Variants in PATZ1 observed in about 807,000 individuals in gnomAD.
The protein encoded by PATZ1 is POZ/BTB and AT hook containing zinc finger 1, also known as POZ-, AT hook-, and zinc finger-containing protein 1.
Under a neutral mutation model 46.2 loss-of-function variants are expected in PATZ1, and 9 were observed. The observed-to-expected ratio is 0.19, with a 90% CI of 0.12 to 0.34. The LOEUF (loss-of-function observed/expected upper bound fraction) is 0.34, where lower values mean the gene tolerates loss of function less well. Ranked by LOEUF, PATZ1 falls within the 10% of genes least tolerant of loss-of-function variation. The pLI, the probability that PATZ1 is intolerant of heterozygous loss-of-function variation, is 1.00. For synonymous variants in PATZ1, 426 were observed against 378.6 expected, an observed-to-expected ratio of 1.13 and a Z score of -1.45; for missense variants, 632 against 923.0, an observed-to-expected ratio of 0.68 and a Z score of 4.08.
chr22:31,326,030 A>G lies in PATZ1; in HGVS notation c.*861T>C, dbSNP rs1201051085. The G allele has an allele frequency of 4.6e-6, 1 of 215,494 alleles. No individual in the cohort carries two copies. The highest frequency in any genetic ancestry group is 9.4e-6 in the Non-Finnish European group (1 of 106,592). 13.3% of individuals were successfully genotyped at this position (215,494 alleles called of 1,614,324 possible). A position where few individuals can be genotyped will look rare whatever the true frequency, so the allele number is the denominator to read the frequency against. On this transcript the variant is annotated 3_prime_UTR_variant, in exon 5 of 5. Coordinates refer to ENST00000266269, the MANE Select transcript of PATZ1 (RefSeq NM_014323.3). ...CTATTTCTTCCATAGACTTCAAACA[A>G]TCAACTAGCCAAGTTAATTATGGTA...
intron 1 of PATZ1, among the ~76,000 whole-genome samples, chr22:31,344,020 G>T (rs781108023): frequency 6.6e-6 from 1 of 152,160 alleles, no homozygotes; most frequent in African/African-American, 2.4e-5. Context: ...CCCCACGCCT[G>T]GTGCCGGAAA....
intron 1 of PATZ1, among the ~76,000 whole-genome samples, chr22:31,343,886 G>A (rs1381402472): frequency 1.3e-5 from 2 of 152,202 alleles, no homozygotes; most frequent in Non-Finnish European, 2.9e-5. Flanking sequence ...AGTGTTCTGT[G>A]TTGGGGAATC....
chr22:31,331,198 G>A (rs17820958), intron 3 of PATZ1, among the ~76,000 whole-genome samples: 6,773 of 152,278 alleles, frequency 0.044, 551 homozygotes, highest in East Asian at 0.37. Flanking sequence ...TAATGGGAAA[G>A]AGGCTGTTAG....
intron 2 of PATZ1, 137 bp downstream of exon 2, chr22:31,342,760 G>T: frequency 1.2e-6 from 1 of 808,940 alleles, no homozygotes; most frequent in Non-Finnish European, 2.0e-6. Flanking sequence ...GAGGGAGGGT[G>T]GAGGAACAGA....
rs1471880491 is a variant in PATZ1 at position 31,345,879 on chromosome 22, C to G, written c.-277G>C. The G allele has an allele frequency of 5.2e-6, 2 of 385,526 alleles. No homozygotes were observed. The highest frequency in any genetic ancestry group is 9.2e-6 in the Non-Finnish European group (2 of 216,692). 23.9% of individuals were successfully genotyped at this position (385,526 alleles called of 1,614,324 possible). A position where few individuals can be genotyped will look rare whatever the true frequency, so the allele number is the denominator to read the frequency against. ...CGCCCGCCCGCCTCCCCTTCCCGGT[C>G]TACCTTCCGGGGGGGTGCGCGAGCG... On this transcript the variant is annotated 5_prime_UTR_variant, in exon 1 of 5. Transcript: ENST00000266269. The surrounding 1 kb of genome is among the most constrained non-coding windows in gnomAD (Gnocchi z 7.4).
At chr22:31,338,477 G>A (rs1288470903) in intron 2 of PATZ1, among the ~76,000 whole-genome samples, 2 of 152,210 alleles carry the variant, frequency 1.3e-5, no homozygotes, top group Non-Finnish European at 2.9e-5. Context: ...TTGCTCTCAT[G>A]GCCACATGTG....
In PATZ1 at chr22:31,345,806, CA is replaced by C. The variant is rs2049648334; in HGVS notation, c.-205del. The C allele has an allele frequency of 2.1e-6, 1 of 485,302 alleles. No individual in the cohort carries two copies. 30.1% of individuals were successfully genotyped at this position (485,302 alleles called of 1,614,324 possible). A position where few individuals can be genotyped will look rare whatever the true frequency, so the allele number is the denominator to read the frequency against. On this transcript the variant is annotated 5_prime_UTR_variant, in exon 1 of 5. An upstream start codon of the reference 5' UTR is lost. Coordinates refer to ENST00000266269, the MANE Select transcript of PATZ1 (RefSeq NM_014323.3). This position sits in a 1 kb window ranked among gnomAD's most constrained non-coding sequence, Gnocchi z 7.4. Reference sequence around the variant, plus strand: ...AGACTGCGGGGTGCACCACCCCCCACATAGCCAACCCCCGCCCTCGCTGGAC... The same window carrying C: ...AGACTGCGGGGTGCACCACCCCCCACTAGCCAACCCCCGCCCTCGCTGGAC...
In PATZ1 at chr22:31,328,715, C is replaced by G. The variant is rs897114557; in HGVS notation, c.1645+72G>C. The G allele has an allele frequency of 9.6e-6, 14 of 1,462,592 alleles. No homozygotes were observed. The East Asian group carries it at 2.9e-4, about 31-fold the overall frequency. The allele number at this position is 1,462,592 out of a possible 1,614,324, so 90.6% of individuals were successfully genotyped here. A position where few individuals can be genotyped will look rare whatever the true frequency, so the allele number is the denominator to read the frequency against. On this transcript the variant is annotated intron_variant, in intron 4 of 4. Coordinates refer to ENST00000266269, the MANE Select transcript of PATZ1 (RefSeq NM_014323.3). This position sits in a 1 kb window ranked among gnomAD's most constrained non-coding sequence, Gnocchi z 4.8. Reference sequence around the variant, plus strand: ...GAAAGCCGGCAGCCTTCCCGCCTCCCCACGCCCAGCCCAGCGCCCCCACAA... The same window carrying G: ...GAAAGCCGGCAGCCTTCCCGCCTCCGCACGCCCAGCCCAGCGCCCCCACAA...
chr22:31,339,169 C>G (rs1278919216), intron 2 of PATZ1, among the ~76,000 whole-genome samples: 1 of 152,180 alleles, frequency 6.6e-6, no homozygotes, highest in Non-Finnish European at 1.5e-5. Flanking sequence ...AAATTAAAAT[C>G]CCAGACTGGG....
chr22:31,342,851 C>T (rs372655698), intron 2 of PATZ1, 46 bp downstream of exon 2: 3 of 1,606,980 alleles, frequency 1.9e-6, no homozygotes, highest in Non-Finnish European at 1.7e-6. Flanking sequence ...ACCGTGAGAA[C>T]AGCATCATCT....
chr22:31,328,782 C>A lies in PATZ1; in HGVS notation c.1645+5G>T. On this transcript the variant is annotated splice_donor_5th_base_variant and intron_variant, in intron 4 of 4. Coordinates refer to ENST00000266269, the MANE Select transcript of PATZ1 (RefSeq NM_014323.3). The surrounding 1 kb of genome is among the most constrained non-coding windows in gnomAD (Gnocchi z 4.8). ...AAGCAAAGTGCAGAGCAAGGGGTCG[C>A]TTGCCTTTGTTGCCATAGGTCCTGG... The A allele has an allele frequency of 6.2e-7, 1 of 1,612,582 alleles. No individual in the cohort carries two copies. The highest frequency in any genetic ancestry group is 1.1e-5 in the South Asian group (1 of 91,008).
At chr22:31,329,445 C>T (rs571445156) in intron 3 of PATZ1, among the ~76,000 whole-genome samples, 2 of 152,332 alleles carry the variant, frequency 1.3e-5, no homozygotes, top group Non-Finnish European at 2.9e-5. Context: ...CCAAGGATCC[C>T]GTCTTCTACC....
intron 2 of PATZ1, chr22:31,341,202 G>C (rs1344898511): frequency 8.0e-7 from 1 of 1,256,420 alleles, no homozygotes; most frequent in Non-Finnish European, 1.0e-6. Context: ...AAAGAAACTT[G>C]GATGCTATAG....
At chr22:31,331,363 A>T (rs1453391795) in intron 3 of PATZ1, among the ~76,000 whole-genome samples, 4 of 143,068 alleles carry the variant, frequency 2.8e-5, no homozygotes, top group Non-Finnish European at 3.0e-5. Context: ...TTTTTTTGAG[A>T]CAGAGTCTCA....
rs771937261 is a variant in PATZ1, at chr22:31,335,797, C to G, written c.1402G>C (p.Val468Leu). ...TACTTCCCACACACCTGGCAGGGCA[C>G]CTTGTCTTCATGACAGGCCAGGTGG... ...RSHLACHEDK[V>L]PCQVCGKYLR... The change falls in exon 3 of 5, where the codon GTG becomes CTG. Residue 468 changes from valine (V) to leucine (L), a missense_variant. By Grantham distance (32) the Val-to-Leu change is conservative. This residue lies in a region of PATZ1 where 55 missense variants were observed against 169.0 expected (regional missense o/e 0.33). Transcript: ENST00000266269. 2 of 1,614,110 alleles carry G rather than the reference C, an allele frequency of 1.2e-6. No individual in the cohort carries two copies. Among genetic ancestry groups the G allele is most frequent in the Non-Finnish European group, 1.7e-6 (2 of 1,180,012 alleles).
Position 31,344,315 on chromosome 22 carries a change from A to C in PATZ1, c.1271+17T>G, listed in dbSNP as rs111323376. On this transcript the variant is annotated intron_variant, in intron 1 of 4. Transcript: ENST00000266269. Reference sequence around the variant, plus strand: ...AGATAACGTGTGGCAGGGGAGGAAGAGGGGGCCTTTCCTCACCTGGAGAAG... The same window carrying C: ...AGATAACGTGTGGCAGGGGAGGAAGCGGGGGCCTTTCCTCACCTGGAGAAG... The C allele has an allele frequency of 1.9e-6, 3 of 1,573,708 alleles. No homozygotes were observed. Among genetic ancestry groups the C allele is most frequent in the Non-Finnish European group, 8.6e-7 (1 of 1,158,234 alleles).
At chr22:31,330,542 G>A (rs2049428314) in intron 3 of PATZ1, among the ~76,000 whole-genome samples, 2 of 152,152 alleles carry the variant, frequency 1.3e-5, no homozygotes, top group South Asian at 4.1e-4. Flanking sequence ...CTGGTCACAC[G>A]TACAGCTACT....
At position 31,344,648 on chromosome 22, in the gene PATZ1, G is replaced by A. The variant is rs1260313912; in HGVS notation, c.955C>T (p.Leu319Phe). The stretch of plus-strand genomic sequence containing the variant: ...GGAAGGTCGATGTAGCCCAGCTGGA[G>A]GCTGGTGACACCGTGCTGGGCCTCG... ...QHEAQHGVTS[L>F]QLGYIDLPPP... The change falls in exon 1 of 5, where the codon CTC becomes TTC. Residue 319 changes from leucine to phenylalanine, a missense_variant. Physicochemically the swap from Leu to Phe is conservative, Grantham distance 22. This residue lies in a region of PATZ1 where 279 missense variants were observed against 284.3 expected (regional missense o/e 0.98). Coordinates refer to ENST00000266269, the MANE Select transcript of PATZ1 (RefSeq NM_014323.3). 1.2e-6 allele frequency: 2 copies of A among 1,614,038 alleles called. No homozygotes were observed. The highest frequency in any genetic ancestry group is 2.2e-5 in the East Asian group (1 of 44,888).
In PATZ1 at chr22:31,344,642, G is replaced by C. The variant is rs779631426; in HGVS notation, c.961C>G (p.Leu321Val). 16 of 1,613,944 alleles carry C rather than the reference G, an allele frequency of 9.9e-6. No homozygotes were observed. ...GGAGGAGGAAGGTCGATGTAGCCCA[G>C]CTGGAGGCTGGTGACACCGTGCTGG... is the stretch of plus-strand genomic sequence containing the variant. ...EAQHGVTSLQ[L>V]GYIDLPPPRL... The change falls in exon 1 of 5, where the codon CTG (leucine) becomes GTG (valine). Residue 321 changes from leucine (L) to valine (V), a missense_variant. Leu to Val is a conservative substitution (Grantham distance 32). Coordinates refer to ENST00000266269, the MANE Select transcript of PATZ1 (RefSeq NM_014323.3).
Sources: allele counts gnomAD v4.1 joint callset (sites outside exome capture counted in the v4.1 genomes callset), GRCh38; gene constraint gnomAD v4.1.1; regional missense constraint gnomAD v4.1.1; non-coding constraint Gnocchi (gnomAD v3.1); transcripts MANE v1.5; gene names NCBI Gene and HGNC (gene_info 2026-07-23, HGNC 2026-07-21).